The following LRCH3 variants were observed in gnomAD, a reference collection of about 807,000 sequenced individuals.
LRCH3 encodes the protein DISP complex protein LRCH3.
In LRCH3, 68 loss-of-function variants were observed where a neutral mutation model predicts 104.5. The ratio of observed to expected loss-of-function variants is 0.65; its 90% CI spans 0.54 to 0.80. LRCH3 has a LOEUF of 0.80. Ranked by LOEUF, LRCH3 falls within the 30% of genes least tolerant of loss-of-function variation. The pLI, the probability that LRCH3 is intolerant of heterozygous loss-of-function variation, is 0.00. For missense variants in LRCH3, 951 were observed against 953.9 expected, an observed-to-expected ratio of 1.00 and a Z score of 0.04; for synonymous variants, 344 against 361.3, an observed-to-expected ratio of 0.95 and a Z score of 0.54.
intron 15 of LRCH3, among the ~76,000 whole-genome samples, chr3:197,864,423 C>A (rs545687755): frequency 6.7e-6 from 1 of 150,100 alleles, no homozygotes; most frequent in Admixed American, 6.6e-5. Flanking sequence ...GCCTGACTAA[C>A]ATGGAGAAAC....
Position 197,886,909 on chromosome 3 carries a change from T to G in LRCH3, c.*3243T>G, listed in dbSNP as rs1714241549. 1 of 152,160 alleles carries G rather than the reference T, an allele frequency of 6.6e-6. No homozygotes were observed. The allele number at this position is 152,160 out of a possible 1,614,324, so 9.4% of individuals were successfully genotyped here. On this transcript the variant is annotated 3_prime_UTR_variant, in exon 21 of 21. Coordinates refer to ENST00000425562, the MANE Select transcript of LRCH3 (RefSeq NM_001365715.1). The stretch of plus-strand genomic sequence containing the variant: ...AATACTTGCAACATTTGCAACTAAT[T>G]TTCCCATAGGGATAAATGGAAATTT...
intron 17 of LRCH3, among the ~76,000 whole-genome samples, chr3:197,867,400 T>C (rs1741618219): frequency 1.3e-5 from 2 of 150,006 alleles, no homozygotes; most frequent in African/African-American, 2.5e-5. Flanking sequence ...TGGATGACAG[T>C]GTGAAACTTA....
intron 1 of LRCH3, among the ~76,000 whole-genome samples, chr3:197,792,961 T>A (rs975661182): frequency 6.6e-6 from 1 of 151,932 alleles, no homozygotes; most frequent in Non-Finnish European, 1.5e-5. Flanking sequence ...CAATATTTTG[T>A]ATTTTTTTGT....
chr3:197,871,107 A>C (rs1712131484), intron 18 of LRCH3, among the ~76,000 whole-genome samples: 2 of 152,096 alleles, frequency 1.3e-5, no homozygotes, highest in Non-Finnish European at 2.9e-5. Context: ...AGAAAGTTGT[A>C]AATGAATTTT....
At chr3:197,791,664 G>C (rs950121202) in intron 1 of LRCH3, 124 bp downstream of exon 1, 3 of 1,137,300 alleles carry the variant, frequency 2.6e-6, no homozygotes, top group Non-Finnish European at 3.5e-6. Context: ...CCGGACCCGG[G>C]TAACGGGGAG....
Position 197,831,979 on chromosome 3 carries a change from A to C in LRCH3, c.982-218A>C, listed in dbSNP as rs139448541. Among the ~76,000 whole-genome samples the C allele has an allele frequency of 8.2e-3, 1,242 of 152,168 alleles. 5 individuals carry two copies. The highest frequency in any genetic ancestry group is 0.027 in the Middle Eastern group (8 of 294). ...GCACAGGCTGGAGTGCAGTGGTGGA[A>C]TCCTGTCTCATTGCAGCCTCGAACT... On this transcript the variant is annotated intron_variant, in intron 7 of 20. Coordinates refer to ENST00000425562, the MANE Select transcript of LRCH3 (RefSeq NM_001365715.1).
At chr3:197,826,749 A>T in intron 4 of LRCH3, 129 bp from the exon 5 acceptor site, 1 of 1,147,518 alleles carries the variant, frequency 8.7e-7, no homozygotes, top group Non-Finnish European at 1.3e-6. Flanking sequence ...CCACTTTGCT[A>T]CCAGTTAATC....
rs752092653 is a variant in LRCH3 at position 197,870,142 on chromosome 3, A to C, written c.1874-18A>C. On this transcript the variant is annotated intron_variant, in intron 17 of 20. Coordinates refer to ENST00000425562, the MANE Select transcript of LRCH3 (RefSeq NM_001365715.1). The stretch of plus-strand genomic sequence containing the variant: ...ACTGCCAGTTGCCTTTCTGTCTTAC[A>C]TATTAATATTTTTATAGGTCATGCT... 6.2e-7 allele frequency: 1 copy of C among 1,609,092 alleles called. No individual in the cohort carries two copies. Among genetic ancestry groups the C allele is most frequent in the Admixed American group, 1.7e-5 (1 of 59,366 alleles).
At chr3:197,827,715 AT>A (rs1216721039) in intron 5 of LRCH3, among the ~76,000 whole-genome samples, 1 of 151,718 alleles carries the variant, frequency 6.6e-6, no homozygotes, top group Non-Finnish European at 1.5e-5. Context: ...TAATTTCTTA[AT>A]TTTTTCTTGT....
At chr3:197,875,874 C>T in intron 20 of LRCH3, 99 bp downstream of exon 20, 1 of 714,934 alleles carries the variant, frequency 1.4e-6, no homozygotes, top group South Asian at 1.8e-5. Context: ...TAGCTCTGAG[C>T]TAAGTCGATC....
intron 4 of LRCH3, among the ~76,000 whole-genome samples, chr3:197,824,110 G>T (rs143342130): frequency 6.6e-6 from 1 of 151,676 alleles, no homozygotes; most frequent in African/African-American, 2.4e-5. Context: ...TGTCGCCCAG[G>T]CTGGAGTGCA....
At chr3:197,848,122 T>C in intron 12 of LRCH3, 101 bp downstream of exon 12, 2 of 1,184,222 alleles carry the variant, frequency 1.7e-6, no homozygotes, top group South Asian at 3.0e-5. Flanking sequence ...ATGTCGACCA[T>C]TTTTCTCTCT....
At chr3:197,813,954 A>G (rs940201086) in intron 1 of LRCH3, among the ~76,000 whole-genome samples, 3 of 152,212 alleles carry the variant, frequency 2.0e-5, no homozygotes, top group African/African-American at 7.2e-5. Context: ...ATTCATAACT[A>G]GAATACTTTT....
At chr3:197,833,240 C>A (rs770158797) in intron 8 of LRCH3, among the ~76,000 whole-genome samples, 30 of 151,864 alleles carry the variant, frequency 2.0e-4, no homozygotes, top group Non-Finnish European at 8.8e-5. Flanking sequence ...TTTTTTTAGG[C>A]TGGGCGTGGT....
chr3:197,807,656 T>TTTCCTTTCTGTGTTCTTTTTCTTGCC (rs1306104997), intron 1 of LRCH3, among the ~76,000 whole-genome samples: 12 of 152,208 alleles, frequency 7.9e-5, no homozygotes, highest in Non-Finnish European at 1.5e-4. Flanking sequence ...TTTCCTTTGT[T>TTTCCTTTCTGTGTTCTTTTTCTTGCC]TTCCTTTCTG....
chr3:197,817,889 C>T (rs542842502), intron 3 of LRCH3, among the ~76,000 whole-genome samples: 5 of 152,236 alleles, frequency 3.3e-5, no homozygotes, highest in Non-Finnish European at 7.3e-5. Context: ...GGCGCAATCT[C>T]GGCTTACTGC....
chr3:197,847,738 A>C (rs1394362410), intron 11 of LRCH3, 134 bp from the exon 12 acceptor site: 3 of 265,066 alleles, frequency 1.1e-5, no homozygotes, highest in Non-Finnish European at 1.4e-5. Flanking sequence ...GCCAATAAAC[A>C]CATTTCAAGC....
At chr3:197,827,683 T>G (rs992866897) in intron 5 of LRCH3, among the ~76,000 whole-genome samples, 4 of 152,168 alleles carry the variant, frequency 2.6e-5, no homozygotes, top group Non-Finnish European at 5.9e-5. Context: ...TTCCCTAAAT[T>G]TTTTTCTAAT....
intron 15 of LRCH3, among the ~76,000 whole-genome samples, chr3:197,863,459 C>T (rs1331689983): frequency 6.6e-6 from 1 of 152,192 alleles, no homozygotes. Flanking sequence ...CGGGGTTTCA[C>T]CATGTTGGCC....
Sources: allele counts gnomAD v4.1 joint callset (sites outside exome capture counted in the v4.1 genomes callset), GRCh38; gene constraint gnomAD v4.1.1; transcripts MANE v1.5; gene names NCBI Gene and HGNC (gene_info 2026-07-23, HGNC 2026-07-21).